RUNX1: variants seen among roughly 807,000 people sequenced by gnomAD.
RUNX1 encodes the protein runt-related transcription factor 1.
In RUNX1, 19 loss-of-function variants were observed where a neutral mutation model predicts 42.8. The observed-to-expected ratio is 0.44, with a 90% CI of 0.31 to 0.65. RUNX1 has a LOEUF of 0.65. RUNX1 is among the 30% of genes least tolerant of loss of function. The probability of loss-of-function intolerance (pLI) is 0.07; values close to 1 mark genes in which losing one functional copy is unlikely to be tolerated. For synonymous variants in RUNX1, 271 were observed against 289.4 expected (o/e 0.94, Z 0.64); for missense variants, 528 against 672.0 (o/e 0.79, Z 2.37).
At chr21:34,872,572 T>C (rs1416411952) in intron 5 of RUNX1, among the ~76,000 whole-genome samples, 1 of 152,254 alleles carries the variant, frequency 6.6e-6, no homozygotes, top group Non-Finnish European at 1.5e-5. Context: ...TTTCATAAAA[T>C]TTAAAATAAG....
At position 34,953,149 on chromosome 21, in the gene RUNX1, G is replaced by A. The variant is rs60461383; in HGVS notation, c.59-60186C>T. On this transcript the variant is annotated intron_variant, in intron 2 of 8. Transcript: ENST00000675419. ...GGACTTTTTTTTTTTTTAAATCTAC[G>A]TTTTACAGCATTATTATGCGTCTAC... Among the ~76,000 whole-genome samples, 967 of 150,758 alleles carry A rather than the reference G, an allele frequency of 6.4e-3. 10 individuals are homozygous for A. The highest frequency in any genetic ancestry group is 0.032 in the South Asian group (155 of 4,788).
At chr21:34,943,184 T>C (rs2058540236) in intron 2 of RUNX1, among the ~76,000 whole-genome samples, 3 of 152,212 alleles carry the variant, frequency 2.0e-5, no homozygotes, top group African/African-American at 7.2e-5. Context: ...ACTAATTTCA[T>C]TCTGACTGTT....
intron 2 of RUNX1, among the ~76,000 whole-genome samples, chr21:34,969,561 G>T (rs188617838): frequency 1.3e-5 from 2 of 152,256 alleles, no homozygotes; most frequent in East Asian, 3.9e-4. Context: ...TAAGACAGTA[G>T]ATCAAACAGC....
chr21:34,854,168 T>C (rs1204647546), intron 6 of RUNX1, among the ~76,000 whole-genome samples: 1 of 152,180 alleles, frequency 6.6e-6, no homozygotes, highest in Non-Finnish European at 1.5e-5. Context: ...TCTCCATATA[T>C]AAAGATCCTA....
intron 5 of RUNX1, among the ~76,000 whole-genome samples, chr21:34,860,262 T>G (rs985660889): frequency 5.9e-5 from 9 of 152,180 alleles, no homozygotes; most frequent in African/African-American, 2.2e-4. Flanking sequence ...TTTACATATA[T>G]TTATAAAAGG....
chr21:34,812,747 C>T (rs998901209), intron 7 of RUNX1, among the ~76,000 whole-genome samples: 8 of 152,132 alleles, frequency 5.3e-5, no homozygotes, highest in African/African-American at 1.9e-4. Flanking sequence ...GATACTCAGC[C>T]CAGCAGTGGG....
chr21:34,979,045 G>C (rs2058826273), intron 2 of RUNX1, among the ~76,000 whole-genome samples: 1 of 151,670 alleles, frequency 6.6e-6, no homozygotes, highest in Admixed American at 6.6e-5. Context: ...TTGAGTTTGA[G>C]AGAGTAAAGA....
At chr21:34,967,837 G>A (rs2058732622) in intron 2 of RUNX1, among the ~76,000 whole-genome samples, 5 of 152,216 alleles carry the variant, frequency 3.3e-5, no homozygotes, top group Admixed American at 2.6e-4. Context: ...ATCGAAGGGA[G>A]TGGCAATTCA....
chr21:35,003,537 A>T (rs1346942488), intron 2 of RUNX1, among the ~76,000 whole-genome samples: 1 of 152,164 alleles, frequency 6.6e-6, no homozygotes, highest in Non-Finnish European at 1.5e-5. Flanking sequence ...TTTTAAAAAA[A>T]AAGATGACTC....
intron 2 of RUNX1, among the ~76,000 whole-genome samples, chr21:34,934,401 G>A (rs1289874627): frequency 6.6e-6 from 1 of 152,000 alleles, no homozygotes; most frequent in Non-Finnish European, 1.5e-5. Flanking sequence ...AACCATGTTT[G>A]CTGAATGACA....
chr21:34,904,571 C>T (rs895043099), intron 2 of RUNX1, among the ~76,000 whole-genome samples: 1 of 152,174 alleles, frequency 6.6e-6, no homozygotes, highest in Non-Finnish European at 1.5e-5. Flanking sequence ...AGTTGAACCA[C>T]TGACCAATTA....
At chr21:34,946,672 C>A (rs1303914236) in intron 2 of RUNX1, among the ~76,000 whole-genome samples, 1 of 152,252 alleles carries the variant, frequency 6.6e-6, no homozygotes, top group South Asian at 2.1e-4. Context: ...CTTTATTTAT[C>A]AAAGGGTACA....
intron 5 of RUNX1, among the ~76,000 whole-genome samples, chr21:34,866,151 C>T (rs996247794): frequency 1.3e-5 from 2 of 152,150 alleles, no homozygotes; most frequent in African/African-American, 2.4e-5. Context: ...CCCTTTGTCA[C>T]GCAAAGGAAG....
chr21:34,950,582 C>T (rs978702748), intron 2 of RUNX1, among the ~76,000 whole-genome samples: 1 of 152,106 alleles, frequency 6.6e-6, no homozygotes, highest in Non-Finnish European at 1.5e-5. Context: ...CTACTAAATA[C>T]AAAAATTAGC....
rs137981085 is a variant in RUNX1 at position 34,862,115 on chromosome 21, T to TGAGA, written c.509-2541_509-2538dup. On this transcript the variant is annotated intron_variant, in intron 5 of 8. Coordinates refer to ENST00000675419, the MANE Select transcript of RUNX1 (RefSeq NM_001754.5). Reference sequence around the variant, plus strand: ...AGGTCTAGGGGTGCATGTGGGTGTATGAGAGAGAGAGAGAGAGAGACTGAG... The same window carrying TGAGA: ...AGGTCTAGGGGTGCATGTGGGTGTATGAGAGAGAGAGAGAGAGAGAGAGACTGAG... 6.5e-3 allele frequency among the ~76,000 whole-genome samples: 962 copies of TGAGA among 148,518 alleles called. 8 individuals carry two copies. The highest frequency in any genetic ancestry group is 0.022 in the African/African-American group (901 of 40,538).
At chr21:34,848,041 T>C (rs2057342120) in intron 6 of RUNX1, among the ~76,000 whole-genome samples, 1 of 152,222 alleles carries the variant, frequency 6.6e-6, no homozygotes, top group Non-Finnish European at 1.5e-5. Context: ...CCTACCCGTC[T>C]AGAGCATGTG....
chr21:35,002,068 CA>C (rs1364056438), intron 2 of RUNX1, among the ~76,000 whole-genome samples: 1 of 152,082 alleles, frequency 6.6e-6, no homozygotes, highest in Non-Finnish European at 1.5e-5. Context: ...CTACCCAAAG[CA>C]AACTAAAGAT....
At chr21:34,864,723 C>T (rs755693506) in intron 5 of RUNX1, among the ~76,000 whole-genome samples, 3 of 152,178 alleles carry the variant, frequency 2.0e-5, no homozygotes, top group Non-Finnish European at 2.9e-5. Context: ...CCCTGACCAC[C>T]ACAGCAGCAT....
At chr21:34,935,157 C>T (rs928660619) in intron 2 of RUNX1, among the ~76,000 whole-genome samples, 1 of 152,140 alleles carries the variant, frequency 6.6e-6, no homozygotes, top group Non-Finnish European at 1.5e-5. Context: ...TAATCTGTCA[C>T]TCATGCGTTA....
Sources: gnomAD v4.1 joint callset for allele counts (sites outside exome capture counted in the v4.1 genomes callset) on GRCh38, gnomAD v4.1.1 for gene constraint, MANE v1.5 for transcripts, NCBI Gene and HGNC (gene_info 2026-07-23, HGNC 2026-07-21) for gene names.